GRB10: variants seen among roughly 807,000 people sequenced by gnomAD.
The protein encoded by GRB10 is growth factor receptor-bound protein 10.
GRB10 carries 20 observed loss-of-function variants against 80.9 expected under a neutral mutation model. The observed-to-expected ratio is 0.25, with a 90% confidence interval of 0.17 to 0.36. The LOEUF is 0.36. Ranked by LOEUF, GRB10 falls within the 10% of genes least tolerant of loss-of-function variation. GRB10 has a pLI of 1.00. For missense variants in GRB10, 548 were observed against 747.7 expected, an observed-to-expected ratio of 0.73 and a Z score of 3.12; for synonymous variants, 291 against 291.5, an observed-to-expected ratio of 1.00 and a Z score of 0.02.
intron 3 of GRB10, among the ~76,000 whole-genome samples, chr7:50,734,596 T>C (rs953184795): frequency 2.6e-5 from 4 of 152,246 alleles, no homozygotes; most frequent in Non-Finnish European, 5.9e-5. Context: ...TATGTTCTTA[T>C]TTTCTCCCTG....
Position 50,604,354 on chromosome 7 carries a change from G to T in GRB10, c.1413C>A (p.Ile471=). 2 of 1,613,510 alleles carry T rather than the reference G, an allele frequency of 1.2e-6. No homozygotes were observed. Among genetic ancestry groups the T allele is most frequent in the Non-Finnish European group, 1.7e-6 (2 of 1,179,842 alleles). ...GGTGGAGGGGACTTTGGCTACCTAG[G>T]ATGTTCATCCGTGTGCTTCGCTTCT... ...AWRKRSTRMN[I]LGSQSPLHPS... The change falls in exon 16 of 19, where the codon ATC becomes ATA. Residue 471 remains isoleucine (I), a synonymous_variant. Coordinates refer to ENST00000401949, the MANE Select transcript of GRB10 (RefSeq NM_001350814.2).
rs1261109688 is a variant in GRB10 at position 50,604,003 on chromosome 7, C to A, written c.1539G>T (p.Val513=). The A allele has an allele frequency of 6.2e-7, 1 of 1,611,330 alleles. No individual in the cohort carries two copies. Among genetic ancestry groups the A allele is most frequent in the Non-Finnish European group, 8.5e-7 (1 of 1,177,474 alleles). Residue 513 remains valine (V), a synonymous_variant, in exon 17 of 19, where the codon GTG becomes GTT. Transcript: ENST00000401949. ...SHRIIKQQGL[V]DGLFLLRDSQ... is the part of the protein sequence containing the mutation. ...TATCAGTGGTGGTTCCTTACCCATC[C>A]ACGAGCCCTTGCTGTTTAATGATCC... is the stretch of plus-strand genomic sequence containing the variant.
intron 5 of GRB10, among the ~76,000 whole-genome samples, chr7:50,699,584 C>A (rs2063878316): frequency 1.3e-5 from 2 of 152,312 alleles, no homozygotes; most frequent in South Asian, 4.1e-4. Flanking sequence ...ACCACCCCTG[C>A]ACTATTATAA....
chr7:50,596,266 G>A (rs185851962), intron 17 of GRB10, among the ~76,000 whole-genome samples: 2 of 152,318 alleles, frequency 1.3e-5, no homozygotes, highest in East Asian at 1.9e-4. Flanking sequence ...AAATCCGGCC[G>A]ACAGCATCTT....
chr7:50,736,228 G>A (rs2070771325), intron 3 of GRB10, among the ~76,000 whole-genome samples: 1 of 152,306 alleles, frequency 6.6e-6, no homozygotes, highest in African/African-American at 2.4e-5. Context: ...GGAGGTTGCA[G>A]TGAGCCGAGA....
intron 7 of GRB10, among the ~76,000 whole-genome samples, chr7:50,637,055 C>T (rs547092751): frequency 6.6e-6 from 1 of 152,338 alleles, no homozygotes; most frequent in Admixed American, 6.5e-5. Context: ...CAGCTCACTG[C>T]AACCTCCATC....
intron 13 of GRB10, among the ~76,000 whole-genome samples, chr7:50,612,028 A>G (rs1439708449): frequency 6.6e-6 from 1 of 152,234 alleles, no homozygotes; most frequent in Admixed American, 6.5e-5. Context: ...TACAGTAAAC[A>G]GCCCTATGAA....
At chr7:50,645,894 C>A (rs2057109454) in intron 7 of GRB10, among the ~76,000 whole-genome samples, 1 of 152,162 alleles carries the variant, frequency 6.6e-6, no homozygotes, top group East Asian at 1.9e-4. Flanking sequence ...AGAGTCCTAG[C>A]CAGTGGCCAG....
At chr7:50,701,113 T>C (rs773878791) in intron 5 of GRB10, among the ~76,000 whole-genome samples, 2 of 152,232 alleles carry the variant, frequency 1.3e-5, no homozygotes, top group Admixed American at 6.5e-5. Flanking sequence ...TCATATATAT[T>C]CCCTTATATC....
chr7:50,771,225 T>G (rs949348658), intron 2 of GRB10, among the ~76,000 whole-genome samples: 2 of 152,196 alleles, frequency 1.3e-5, no homozygotes, highest in African/African-American at 4.8e-5. Context: ...CCAGAAACCA[T>G]GTGCTACTCA....
In GRB10 at chr7:50,605,347, C is replaced by T. The variant is rs377558557; in HGVS notation, c.1332G>A (p.Val444=). 3 of 1,614,246 alleles carry T rather than the reference C, an allele frequency of 1.9e-6. No individual in the cohort carries two copies. The highest frequency in any genetic ancestry group is 1.6e-4 in the Middle Eastern group (1 of 6,062). The change falls in exon 15 of 19, where the codon GTG becomes GTA. Residue 444 remains valine (V), a synonymous_variant. Coordinates refer to ENST00000401949, the MANE Select transcript of GRB10 (RefSeq NM_001350814.2). The part of the protein sequence containing the change: ...AMDFSGQTGR[V]IENPAEAQSA... ...TCTGGGCCTCTGCCGGATTCTCTATCACGCGTCCTGTTTGCCCAGAAAAAT... is the reference window on the plus strand; with the variant it reads ...TCTGGGCCTCTGCCGGATTCTCTATTACGCGTCCTGTTTGCCCAGAAAAAT...
chr7:50,610,886 C>G (rs2049387035), intron 13 of GRB10, among the ~76,000 whole-genome samples: 1 of 152,048 alleles, frequency 6.6e-6, no homozygotes, highest in Non-Finnish European at 1.5e-5. Context: ...GAGAGACACC[C>G]AAGAAACAGT....
At chr7:50,617,881 T>C (rs1381349437) in intron 10 of GRB10, 190 bp downstream of exon 10, 4 of 641,752 alleles carry the variant, frequency 6.2e-6, no homozygotes, top group Non-Finnish European at 1.1e-5. Flanking sequence ...TACACACAGA[T>C]TTTCCAAGGA....
intron 7 of GRB10, among the ~76,000 whole-genome samples, chr7:50,649,277 G>C (rs1056699831): frequency 5.9e-5 from 9 of 152,356 alleles, no homozygotes; most frequent in Non-Finnish European, 8.8e-5. Context: ...TGCTGTGTCA[G>C]AGGGAGGCTG....
intron 6 of GRB10, among the ~76,000 whole-genome samples, chr7:50,671,065 T>C (rs2060305382): frequency 2.0e-5 from 3 of 152,168 alleles, no homozygotes; most frequent in South Asian, 4.1e-4. Flanking sequence ...TCAAAGCGAA[T>C]GTCAAGTGTC....
rs200886440 is a variant in GRB10 at position 50,604,320 on chromosome 7, G to A, written c.1447C>T (p.Leu483=). 58 of 1,612,968 alleles carry A rather than the reference G, an allele frequency of 3.6e-5. No individual in the cohort carries two copies. The African/African-American group carries it at 7.5e-4, about 21-fold the overall frequency. Residue 483 remains leucine, a synonymous_variant, in exon 16 of 19, where the codon CTA becomes TTA. Transcript: ENST00000401949. The part of the protein sequence containing the change: ...GSQSPLHPST[L]STVIHRTQHW... Reference sequence around the variant, plus strand: ...AATGTGCCCTGTTTACCTGTACTTAGGGTAGAAGGGTGGAGGGGACTTTGG... The same window carrying A: ...AATGTGCCCTGTTTACCTGTACTTAAGGTAGAAGGGTGGAGGGGACTTTGG...
intron 7 of GRB10, among the ~76,000 whole-genome samples, chr7:50,648,628 G>A (rs1017165367): frequency 5.9e-5 from 9 of 152,140 alleles, no homozygotes; most frequent in South Asian, 2.1e-4. Flanking sequence ...CCCATAGAAC[G>A]CCTGGGGACT....
chr7:50,677,201 T>C (rs2061049102), intron 5 of GRB10, among the ~76,000 whole-genome samples: 1 of 152,186 alleles, frequency 6.6e-6, no homozygotes, highest in Admixed American at 6.5e-5. Context: ...GGTCAAATAT[T>C]AATCCTGGCC....
intron 4 of GRB10, among the ~76,000 whole-genome samples, chr7:50,711,673 T>A (rs750747113): frequency 6.6e-6 from 1 of 152,172 alleles, no homozygotes; most frequent in Non-Finnish European, 1.5e-5. Flanking sequence ...CTCTACCAAC[T>A]GCACATATGC....
Sources: gnomAD v4.1 joint callset for allele counts (sites outside exome capture counted in the v4.1 genomes callset) on GRCh38, gnomAD v4.1.1 for gene constraint, MANE v1.5 for transcripts, NCBI Gene and HGNC (gene_info 2026-07-23, HGNC 2026-07-21) for gene names.